LEPR: variants seen among roughly 807,000 people sequenced by gnomAD.
LEPR encodes leptin receptor, also known as OB receptor.
Under a neutral mutation model 114.7 loss-of-function variants are expected in LEPR, and 56 were observed. The observed-to-expected ratio is 0.49, with a 90% confidence interval of 0.39 to 0.61. The LOEUF (loss-of-function observed/expected upper bound fraction) is 0.61. LEPR is among the 20% of genes least tolerant of loss of function. The pLI is 0.00. For missense variants in LEPR, 1,202 were observed against 1,352.9 expected, an observed-to-expected ratio of 0.89 and a Z score of 1.75; for synonymous variants, 443 against 461.4, an observed-to-expected ratio of 0.96 and a Z score of 0.51.
At chr1:65,427,410 A>G (rs1430783193) in intron 2 of LEPR, among the ~76,000 whole-genome samples, 1 of 152,110 alleles carries the variant, frequency 6.6e-6, no homozygotes, top group Non-Finnish European at 1.5e-5. Flanking sequence ...CCCATTCTAC[A>G]AAAAACTAAA....
intron 2 of LEPR, chr1:65,434,320 TC>T: frequency 2.0e-6 from 2 of 984,914 alleles, no homozygotes; most frequent in Non-Finnish European, 2.4e-6. Context: ...TATAAAAGGC[TC>T]TTTTTTTATA....
chr1:65,565,427 TCA>T lies in LEPR; in HGVS notation c.-20-116_-20-115del. The stretch of plus-strand genomic sequence containing the variant: ...ATTTCTCAGATATTGATCTAGAGTA[TCA>T]CATGTAAATTTAGAGACTTATCTAT... On this transcript the variant is annotated intron_variant, in intron 2 of 19. Transcript: ENST00000349533. The T allele has an allele frequency of 4.4e-6, 4 of 915,906 alleles. No individual in the cohort carries two copies. The South Asian group carries it at 6.3e-5, about 14-fold the overall frequency. 56.7% of individuals were successfully genotyped at this position (915,906 alleles called of 1,614,324 possible).
At chr1:65,470,726 C>T (rs1207359724) in intron 2 of LEPR, among the ~76,000 whole-genome samples, 1 of 152,200 alleles carries the variant, frequency 6.6e-6, no homozygotes, top group Non-Finnish European at 1.5e-5. Flanking sequence ...CTTTATGCAA[C>T]AAGTTAAATA....
chr1:65,496,900 C>T (rs1032502193), intron 2 of LEPR, among the ~76,000 whole-genome samples: 2 of 151,980 alleles, frequency 1.3e-5, no homozygotes, highest in Non-Finnish European at 2.9e-5. Flanking sequence ...TCATTCCAGA[C>T]CTGAATTAGA....
At chr1:65,613,758 T>A (rs2100982267) in intron 14 of LEPR, among the ~76,000 whole-genome samples, 3 of 20,866 alleles carry the variant, frequency 1.4e-4, no homozygotes, top group South Asian at 1.9e-3. Context: ...AGACTCCGTC[T>A]CAAAAAAAAA....
At chr1:65,600,658 G>A (rs560615276) in intron 8 of LEPR, among the ~76,000 whole-genome samples, 1 of 151,892 alleles carries the variant, frequency 6.6e-6, no homozygotes, top group East Asian at 1.9e-4. Flanking sequence ...GCATGTCTTT[G>A]AAAATGATAG....
At chr1:65,564,830 G>A (rs916696349) in intron 2 of LEPR, among the ~76,000 whole-genome samples, 9 of 152,052 alleles carry the variant, frequency 5.9e-5, no homozygotes, top group Non-Finnish European at 1.2e-4. Flanking sequence ...CAAAGTCCAA[G>A]CCACATATAT....
intron 2 of LEPR, among the ~76,000 whole-genome samples, chr1:65,550,345 G>T (rs981838606): frequency 2.6e-5 from 4 of 152,200 alleles, no homozygotes; most frequent in African/African-American, 9.7e-5. Flanking sequence ...TCTCTTCAAC[G>T]CTGTCAGACA....
At chr1:65,572,210 G>A (rs1654234404) in intron 4 of LEPR, 116 bp from the exon 5 acceptor site, 2 of 1,303,418 alleles carry the variant, frequency 1.5e-6, no homozygotes, top group African/African-American at 1.5e-5. Context: ...AATGGAAGTT[G>A]TATCAGAACA....
intron 2 of LEPR, among the ~76,000 whole-genome samples, chr1:65,448,078 G>T (rs926928699): frequency 6.6e-6 from 1 of 152,088 alleles, no homozygotes; most frequent in African/African-American, 2.4e-5. Context: ...TGGTGAGAGG[G>T]AACATCCTTA....
rs1238451910 is a variant in LEPR, at chr1:65,572,442, T to A, written c.487T>A (p.Tyr163Asn). Residue 163 changes from tyrosine (Y) to asparagine (N), a missense_variant, in exon 5 of 20, where the codon TAT (tyrosine) becomes AAT (asparagine). Coordinates refer to ENST00000349533, the MANE Select transcript of LEPR (RefSeq NM_002303.6). ...TTATAACTATAAGGTCCATCTTTTATATGTTCTGTAAGTACCAAATAATTA... is the reference window on the plus strand; with the variant it reads ...TTATAACTATAAGGTCCATCTTTTAAATGTTCTGTAAGTACCAAATAATTA... ...RNYNYKVHLL[Y>N]VLPEVLEDSP... The A allele has an allele frequency of 2.5e-6, 4 of 1,596,022 alleles. No individual in the cohort carries two copies. The South Asian group carries it at 4.5e-5, about 18-fold the overall frequency.
At chr1:65,547,681 A>G (rs1361284542) in intron 2 of LEPR, among the ~76,000 whole-genome samples, 7 of 150,286 alleles carry the variant, frequency 4.7e-5, no homozygotes, top group African/African-American at 1.5e-4. Context: ...TATTGCATCT[A>G]TTTGATTCTT....
intron 2 of LEPR, among the ~76,000 whole-genome samples, chr1:65,454,056 T>C (rs1400507496): frequency 3.3e-5 from 5 of 151,488 alleles, no homozygotes; most frequent in Admixed American, 2.0e-4. Flanking sequence ...TTGTCTCTTT[T>C]GATCTTTGTT....
intron 7 of LEPR, among the ~76,000 whole-genome samples, chr1:65,598,151 C>G (rs555700177): frequency 1.6e-5 from 2 of 122,440 alleles, no homozygotes; most frequent in African/African-American, 6.5e-5. Context: ...TCAGGCTGGT[C>G]TTGAACTCCT....
chr1:65,598,710 T>C lies in LEPR; in HGVS notation c.900T>C (p.Pro300=). The part of the protein sequence containing the change: ...ATSLLVDSIL[P]GSSYEVQVRG... ...CCCTGCTAGTAGACAGTATACTTCC[T>C]GGGTCTTCGTATGAGGTTCAGGTGA... is the stretch of plus-strand genomic sequence containing the variant. The change falls in exon 8 of 20, where the codon CCT becomes CCC. Residue 300 remains proline (P), a synonymous_variant. Transcript: ENST00000349533. The C allele has an allele frequency of 6.2e-7, 1 of 1,613,522 alleles. No homozygotes were observed.
At chr1:65,476,876 G>A (rs982771500) in intron 2 of LEPR, among the ~76,000 whole-genome samples, 4 of 152,160 alleles carry the variant, frequency 2.6e-5, no homozygotes, top group African/African-American at 9.7e-5. Context: ...TGTAAGGTGC[G>A]AAGAAAACAA....
intron 2 of LEPR, among the ~76,000 whole-genome samples, chr1:65,474,937 G>A (rs1181926730): frequency 6.7e-6 from 1 of 148,706 alleles, no homozygotes; most frequent in Non-Finnish European, 1.5e-5. Context: ...AACCTGGGAG[G>A]TGGAGGTTGA....
At chr1:65,479,427 C>T (rs1481127262) in intron 2 of LEPR, among the ~76,000 whole-genome samples, 4 of 151,980 alleles carry the variant, frequency 2.6e-5, no homozygotes, top group Middle Eastern at 3.4e-3. Context: ...GTGAGGAAAC[C>T]GAGAGAGGCA....
chr1:65,548,151 G>A (rs1000752090), intron 2 of LEPR, among the ~76,000 whole-genome samples: 1 of 151,998 alleles, frequency 6.6e-6, no homozygotes, highest in African/African-American at 2.4e-5. Flanking sequence ...GTTCTAGTTT[G>A]ACTGCACTGT....
Sources: allele counts gnomAD v4.1 joint callset (sites outside exome capture counted in the v4.1 genomes callset), GRCh38; gene constraint gnomAD v4.1.1; transcripts MANE v1.5; gene names NCBI Gene and HGNC (gene_info 2026-07-23, HGNC 2026-07-21).